VPS45: variants seen among roughly 807,000 people sequenced by gnomAD.
The protein encoded by VPS45 is vacuolar protein sorting 45 homolog, also known as vacuolar protein sorting-associated protein 45.
In VPS45, 35 loss-of-function variants were observed where a neutral mutation model predicts 75.9. That is an observed-to-expected ratio of 0.46 (90% CI 0.35 to 0.61). The LOEUF (loss-of-function observed/expected upper bound fraction) is 0.61, where lower values mean the gene tolerates loss of function less well. Among genes scored for constraint, VPS45 ranks in the 20% least tolerant of loss-of-function variants. The pLI, the probability that VPS45 is intolerant of heterozygous loss-of-function variation, is 0.00. For missense variants in VPS45, 559 were observed against 685.9 expected, an observed-to-expected ratio of 0.81 and a Z score of 2.07; for synonymous variants, 220 against 238.2, an observed-to-expected ratio of 0.92 and a Z score of 0.70.
At chr1:150,114,818 G>C (rs1434219875) in intron 14 of VPS45, among the ~76,000 whole-genome samples, 1 of 150,824 alleles carries the variant, frequency 6.6e-6, no homozygotes, top group African/African-American at 2.4e-5. Flanking sequence ...GGCTGAGGTG[G>C]GAAGATCACA....
intron 6 of VPS45, 107 bp downstream of exon 6, chr1:150,077,338 A>G (rs782717764): frequency 1.5e-5 from 21 of 1,397,044 alleles, no homozygotes; most frequent in Non-Finnish European, 2.0e-5. Flanking sequence ...AGATGATTGT[A>G]TGTTAGGTTT....
chr1:150,068,551 GA>G, intron 1 of VPS45, 78 bp from the exon 2 acceptor site: 1 of 1,302,934 alleles, frequency 7.7e-7, no homozygotes, highest in Non-Finnish European at 1.0e-6. Flanking sequence ...AAGTATTAAT[GA>G]AAAAAGAGGG....
At position 150,092,366 on chromosome 1, in the gene VPS45, A is replaced by G. The variant is rs782480851; in HGVS notation, c.1328A>G (p.Lys443Arg). The G allele has an allele frequency of 2.5e-6, 4 of 1,614,048 alleles. No individual in the cohort carries two copies. The highest frequency in any genetic ancestry group is 1.3e-5 in the African/African-American group (1 of 74,928). ...RVRGSDLFSP[K>R]DAVAITKQFL... ...AGAGGAAGTGACCTCTTCAGCCCCAAAGATGCTGTGGCTATCACCAAACAA... is the reference window on the plus strand; with the variant it reads ...AGAGGAAGTGACCTCTTCAGCCCCAGAGATGCTGTGGCTATCACCAAACAA... The change falls in exon 12 of 15, where the codon AAA (lysine) becomes AGA (arginine). Residue 443 changes from lysine to arginine, a missense_variant. Coordinates refer to ENST00000644510, the MANE Select transcript of VPS45 (RefSeq NM_007259.5).
intron 14 of VPS45, among the ~76,000 whole-genome samples, chr1:150,139,284 A>G (rs1242435099): frequency 3.3e-5 from 5 of 151,882 alleles, no homozygotes; most frequent in African/African-American, 1.2e-4. Flanking sequence ...TACCTCTCCA[A>G]TCTCACCTCT....
rs782583704 is a variant in VPS45 at position 150,081,987 on chromosome 1, C to T, written c.926C>T (p.Ala309Val). The change falls in exon 9 of 15, where the codon GCA (alanine) becomes GTA (valine). Residue 309 changes from alanine (A) to valine (V), a missense_variant. Ala to Val is a moderately conservative substitution (Grantham distance 64). Transcript: ENST00000644510. ...GAACAGCAAAAACTAGAATCAATAG[C>T]AGACATGAAGGTAAATTGAACATGT... ...PKEQQKLESI[A>V]DMKAFVENYP... 1 of 1,603,124 alleles carries T rather than the reference C, an allele frequency of 6.2e-7. No homozygotes were observed. The highest frequency in any genetic ancestry group is 1.7e-5 in the Admixed American group (1 of 59,668).
intron 10 of VPS45, among the ~76,000 whole-genome samples, chr1:150,084,370 T>G (rs2101543707): frequency 6.6e-6 from 1 of 152,124 alleles, no homozygotes; most frequent in Admixed American, 6.6e-5. Context: ...AAAAAACAGG[T>G]CAGAGAGACT....
In VPS45 at chr1:150,077,748, G is replaced by A; in HGVS notation, c.656G>A (p.Cys219Tyr). 6.2e-7 allele frequency: 1 copy of A among 1,613,984 alleles called. No homozygotes were observed. The highest frequency in any genetic ancestry group is 1.1e-5 in the South Asian group (1 of 91,088). ...VPPLLLILDR[C>Y]DDAITPLLNQ... The stretch of plus-strand genomic sequence containing the variant: ...CCATTGCTCCTTATTTTAGATCGCT[G>A]TGATGATGCCATCACCCCATTGCTA... Residue 219 changes from cysteine (C) to tyrosine (Y), a missense_variant, in exon 7 of 15, where the codon TGT becomes TAT. Physicochemically the swap from Cys to Tyr is radical, Grantham distance 194. Transcript: ENST00000644510.
At chr1:150,105,450 A>T (rs587693873) in intron 13 of VPS45, among the ~76,000 whole-genome samples, 2 of 152,306 alleles carry the variant, frequency 1.3e-5, no homozygotes, top group South Asian at 4.1e-4. Flanking sequence ...ACATACAAAA[A>T]TGAGTAACAT....
At position 150,077,178 on chromosome 1, in the gene VPS45, A is replaced by G; in HGVS notation, c.523A>G (p.Ile175Val). 6.2e-7 allele frequency: 1 copy of G among 1,614,112 alleles called. No homozygotes were observed. The change falls in exon 6 of 15, where the codon ATT becomes GTT. Residue 175 changes from isoleucine to valine, a missense_variant. Physicochemically the swap from Ile to Val is conservative, Grantham distance 29. Coordinates refer to ENST00000644510, the MANE Select transcript of VPS45 (RefSeq NM_007259.5). The stretch of plus-strand genomic sequence containing the variant: ...TTTATCTCTGAAGAAGTGTCCCATG[A>G]TTCGTTATCAGCTCTCATCAGAGGC... Reference protein sequence around the residue: ...LLLSLKKCPMIRYQLSSEAAK... With the variant: ...LLLSLKKCPMVRYQLSSEAAK...
chr1:150,140,386 G>GGTGTGTGTGTGTGT lies in VPS45; in HGVS notation c.1626-4294_1626-4281dup, dbSNP rs574312693. Among the ~76,000 whole-genome samples, 1,362 of 140,404 alleles carry GGTGTGTGTGTGTGT rather than the reference G, an allele frequency of 9.7e-3. 17 individuals carry two copies. The highest frequency in any genetic ancestry group is 0.021 in the African/African-American group (800 of 37,288). The allele number at this position is 140,404 out of a possible 152,430, so 92.1% of individuals were successfully genotyped here. On this transcript the variant is annotated intron_variant, in intron 14 of 14. Coordinates refer to ENST00000644510, the MANE Select transcript of VPS45 (RefSeq NM_007259.5). The stretch of plus-strand genomic sequence containing the variant: ...ATTATATCCCAATTCCATCACTTCT[G>GGTGTGTGTGTGTGT]GTGTGTGTGTGTGTGTGTGTGTGTG...
At chr1:150,103,287 T>C (rs1236925390) in intron 13 of VPS45, among the ~76,000 whole-genome samples, 1 of 152,184 alleles carries the variant, frequency 6.6e-6, no homozygotes, top group African/African-American at 2.4e-5. Context: ...TGTTTTACCA[T>C]TGGCCTCATC....
intron 10 of VPS45, among the ~76,000 whole-genome samples, chr1:150,091,695 A>G (rs1214113313): frequency 6.6e-6 from 1 of 152,236 alleles, no homozygotes; most frequent in African/African-American, 2.4e-5. Flanking sequence ...AAGTGGAACT[A>G]TCCATTATTA....
At chr1:150,118,830 C>T (rs1232270327) in intron 14 of VPS45, among the ~76,000 whole-genome samples, 2 of 152,196 alleles carry the variant, frequency 1.3e-5, no homozygotes, top group Non-Finnish European at 2.9e-5. Context: ...CTAAGCAGTA[C>T]ACTGTATTAC....
At chr1:150,076,372 TA>T in intron 4 of VPS45, 60 bp downstream of exon 4, 1 of 1,368,420 alleles carries the variant, frequency 7.3e-7, no homozygotes, top group Non-Finnish European at 1.0e-6. Context: ...TATTTGAGTC[TA>T]AAAATAAAAA....
intron 4 of VPS45, 122 bp from the exon 5 acceptor site, chr1:150,076,794 G>C: frequency 1.0e-6 from 1 of 986,166 alleles, no homozygotes; most frequent in Admixed American, 2.2e-5. Context: ...GAACAATTTA[G>C]TATCTCTTTA....
chr1:150,125,307 A>G (rs1658446869), intron 14 of VPS45, among the ~76,000 whole-genome samples: 1 of 149,168 alleles, frequency 6.7e-6, no homozygotes, highest in South Asian at 2.1e-4. Context: ...TTTTTTCTGT[A>G]TTGGATATGT....
intron 14 of VPS45, among the ~76,000 whole-genome samples, chr1:150,118,755 A>G (rs1658080438): frequency 6.6e-6 from 1 of 152,194 alleles, no homozygotes; most frequent in African/African-American, 2.4e-5. Flanking sequence ...AGTCCTGCGA[A>G]GGCCTTATGC....
intron 10 of VPS45, among the ~76,000 whole-genome samples, chr1:150,091,500 A>G (rs1656322616): frequency 6.6e-6 from 1 of 152,224 alleles, no homozygotes; most frequent in Non-Finnish European, 1.5e-5. Context: ...CTTAGAGATC[A>G]AGCCCAGTCT....
chr1:150,093,293 G>A (rs1290610774), intron 12 of VPS45, among the ~76,000 whole-genome samples: 1 of 152,078 alleles, frequency 6.6e-6, no homozygotes. Context: ...AAGGATTTAA[G>A]CAATTCCATT....
Sources: gnomAD v4.1 joint callset for allele counts (sites outside exome capture counted in the v4.1 genomes callset) on GRCh38, gnomAD v4.1.1 for gene constraint, MANE v1.5 for transcripts, NCBI Gene and HGNC (gene_info 2026-07-23, HGNC 2026-07-21) for gene names.